The following ARHGAP25 variants were observed in gnomAD, a reference collection of about 807,000 sequenced individuals.
ARHGAP25 encodes the protein rho GTPase-activating protein 25.
Under a neutral mutation model 71.0 loss-of-function variants are expected in ARHGAP25, and 34 were observed. The observed-to-expected ratio is 0.48, with a 90% CI of 0.36 to 0.64. The LOEUF is 0.64. Among genes scored for constraint, ARHGAP25 ranks in the 30% least tolerant of loss-of-function variants. The pLI is 0.00. For synonymous variants in ARHGAP25, 282 were observed against 296.5 expected (o/e 0.95, Z 0.50); for missense variants, 706 against 805.1 (o/e 0.88, Z 1.49).
At chr2:68,778,534 A>G (rs72899817) in intron 2 of ARHGAP25, among the ~76,000 whole-genome samples, 4,561 of 152,302 alleles carry the variant, frequency 0.03, 230 homozygotes, top group African/African-American at 0.1. Context: ...ATGCACACAA[A>G]CATCCTATCC....
intron 1 of ARHGAP25, among the ~76,000 whole-genome samples, chr2:68,769,473 A>T (rs1175535075): frequency 2.0e-5 from 3 of 152,122 alleles, no homozygotes; most frequent in Non-Finnish European, 4.4e-5. Context: ...CGTATGTAGA[A>T]GCCTGTGCAC....
intron 1 of ARHGAP25, among the ~76,000 whole-genome samples, chr2:68,754,675 G>T (rs1282451984): frequency 6.6e-6 from 1 of 152,152 alleles, no homozygotes; most frequent in South Asian, 2.1e-4. Flanking sequence ...TCCCAGAGGG[G>T]CTGTATCATT....
intron 10 of ARHGAP25, among the ~76,000 whole-genome samples, chr2:68,825,338 G>A (rs1389274211): frequency 6.6e-6 from 1 of 152,174 alleles, no homozygotes; most frequent in African/African-American, 2.4e-5. Context: ...ACTGATACAA[G>A]GTGCTGTGGG....
intron 2 of ARHGAP25, among the ~76,000 whole-genome samples, chr2:68,720,541 A>G (rs541602371): frequency 5.9e-5 from 9 of 152,224 alleles, no homozygotes; most frequent in Non-Finnish European, 1.0e-4. Context: ...CTGATTCCCA[A>G]AGTCCTACAG....
At chr2:68,797,216 TA>T (rs1269240063) in intron 4 of ARHGAP25, among the ~76,000 whole-genome samples, 2 of 152,102 alleles carry the variant, frequency 1.3e-5, no homozygotes, top group Non-Finnish European at 1.5e-5. Flanking sequence ...CAGCCTTGAT[TA>T]GGGGGTAGAG....
chr2:68,755,682 C>G (rs1262422053), intron 1 of ARHGAP25, among the ~76,000 whole-genome samples: 1 of 152,140 alleles, frequency 6.6e-6, no homozygotes, highest in Non-Finnish European at 1.5e-5. Context: ...CAACTTCTAC[C>G]TACCGCTCTT....
chr2:68,776,090 T>A (rs1327579653), intron 2 of ARHGAP25, among the ~76,000 whole-genome samples: 1 of 147,940 alleles, frequency 6.8e-6, no homozygotes, highest in Middle Eastern at 4.2e-3. Flanking sequence ...GGTAGATCTC[T>A]GGGGAAAGAG....
intron 4 of ARHGAP25, among the ~76,000 whole-genome samples, chr2:68,802,502 G>A (rs1165912868): frequency 6.6e-6 from 1 of 151,834 alleles, no homozygotes; most frequent in Admixed American, 6.6e-5. Flanking sequence ...TTGCTAATTG[G>A]GTTAGTTAAG....
chr2:68,825,089 A>G (rs1304446126), intron 10 of ARHGAP25, among the ~76,000 whole-genome samples: 1 of 152,212 alleles, frequency 6.6e-6, no homozygotes, highest in Non-Finnish European at 1.5e-5. Context: ...AACGATTAAA[A>G]TCCTAGCAAT....
chr2:68,823,214 C>T (rs892687117), intron 10 of ARHGAP25, among the ~76,000 whole-genome samples: 2 of 152,156 alleles, frequency 1.3e-5, no homozygotes, highest in African/African-American at 4.8e-5. Flanking sequence ...AAATATTCCT[C>T]GAGCCCCTCC....
chr2:68,753,080 G>GT (rs1001420730), intron 1 of ARHGAP25, among the ~76,000 whole-genome samples: 1 of 151,704 alleles, frequency 6.6e-6, no homozygotes, highest in African/African-American at 2.4e-5. Context: ...GGGGTGGATG[G>GT]GGGGGGTGAT....
intron 4 of ARHGAP25, among the ~76,000 whole-genome samples, chr2:68,799,716 G>A (rs1463614158): frequency 6.6e-6 from 1 of 152,194 alleles, no homozygotes; most frequent in East Asian, 1.9e-4. Flanking sequence ...AGTCCTGTGT[G>A]TAAAGGTGAG....
intron 1 of ARHGAP25, among the ~76,000 whole-genome samples, chr2:68,772,247 T>C (rs767200592): frequency 1.3e-5 from 2 of 152,232 alleles, no homozygotes; most frequent in African/African-American, 2.4e-5. Context: ...TAACCCCCAC[T>C]GTGGTCCTAA....
At chr2:68,738,016 G>C (rs1675308330) in intron 1 of ARHGAP25, among the ~76,000 whole-genome samples, 3 of 152,172 alleles carry the variant, frequency 2.0e-5, no homozygotes, top group African/African-American at 7.2e-5. Context: ...CAGTGATGAA[G>C]AAAAGTCACA....
At chr2:68,738,071 T>A (rs745584447) in intron 1 of ARHGAP25, among the ~76,000 whole-genome samples, 1 of 152,168 alleles carries the variant, frequency 6.6e-6, no homozygotes, top group Non-Finnish European at 1.5e-5. Context: ...GAATAGGGGT[T>A]GGAAGAAAAA....
At chr2:68,820,690 A>G (rs2103711640) in intron 9 of ARHGAP25, among the ~76,000 whole-genome samples, 1 of 152,356 alleles carries the variant, frequency 6.6e-6, no homozygotes, top group Admixed American at 6.5e-5. Context: ...TCAAAAAGAT[A>G]GAAAAAGGTA....
chr2:68,820,530 C>T (rs1681569792), intron 9 of ARHGAP25, among the ~76,000 whole-genome samples: 1 of 152,096 alleles, frequency 6.6e-6, no homozygotes, highest in African/African-American at 2.4e-5. Flanking sequence ...AGGGCTCGAA[C>T]CTGATTGTCT....
chr2:68,812,411 G>A (rs529433562), intron 5 of ARHGAP25, among the ~76,000 whole-genome samples: 2 of 152,256 alleles, frequency 1.3e-5, no homozygotes, highest in African/African-American at 4.8e-5. Flanking sequence ...CTGAACAGCC[G>A]TGCCTCTTTC....
At chr2:68,804,452 A>G (rs768376697) in intron 4 of ARHGAP25, among the ~76,000 whole-genome samples, 3 of 152,226 alleles carry the variant, frequency 2.0e-5, no homozygotes, top group Non-Finnish European at 4.4e-5. Flanking sequence ...ATCATGTCCT[A>G]TCAATTTGGT....
Sources: allele counts gnomAD v4.1 joint callset (sites outside exome capture counted in the v4.1 genomes callset), GRCh38; gene constraint gnomAD v4.1.1; transcripts MANE v1.5; gene names NCBI Gene and HGNC (gene_info 2026-07-23, HGNC 2026-07-21).